KIDINS220: variants seen among roughly 807,000 people sequenced by gnomAD.
KIDINS220 encodes kinase D interacting substrate 220, also known as kinase D-interacting substrate of 220 kDa.
Under a neutral mutation model 157.6 loss-of-function variants are expected in KIDINS220, and 63 were observed. That is an observed-to-expected ratio of 0.40 (90% CI 0.33 to 0.49). KIDINS220 has a LOEUF of 0.49. Ranked by LOEUF, KIDINS220 falls within the 20% of genes least tolerant of loss-of-function variation. KIDINS220 has a pLI of 0.66. For missense variants in KIDINS220, 1,772 were observed against 2,171.2 expected (o/e 0.82, Z 3.65); for synonymous variants, 732 against 783.6 (o/e 0.93, Z 1.10).
intron 22 of KIDINS220, chr2:8,757,932 G>A (rs1245028400): frequency 1.4e-5 from 10 of 690,036 alleles, no homozygotes; most frequent in East Asian, 3.0e-5. Context: ...GTGCAATCTC[G>A]GCTCACTGCA....
At chr2:8,765,865 G>A (rs773983234) in intron 22 of KIDINS220, among the ~76,000 whole-genome samples, 5 of 152,012 alleles carry the variant, frequency 3.3e-5, no homozygotes, top group African/African-American at 7.3e-5. Context: ...CACCATGCCC[G>A]ACTCTATTAA....
At chr2:8,753,273 A>G (rs754431106) in intron 22 of KIDINS220, among the ~76,000 whole-genome samples, 1 of 152,250 alleles carries the variant, frequency 6.6e-6, no homozygotes, top group African/African-American at 2.4e-5. Flanking sequence ...GAATCTCTCA[A>G]TAAATTAATC....
chr2:8,733,081 A>G (rs555342843), intron 29 of KIDINS220, among the ~76,000 whole-genome samples: 17 of 152,318 alleles, frequency 1.1e-4, no homozygotes, highest in African/African-American at 3.1e-4. Context: ...CAGTGTTCCA[A>G]TGAAGATGTA....
At chr2:8,777,288 C>T (rs1008701195) in intron 20 of KIDINS220, among the ~76,000 whole-genome samples, 2 of 152,080 alleles carry the variant, frequency 1.3e-5, no homozygotes, top group African/African-American at 4.8e-5. Flanking sequence ...AAGGATTCAG[C>T]ATTTTGATTT....
chr2:8,776,119 T>G (rs1364288215), intron 21 of KIDINS220, among the ~76,000 whole-genome samples: 3 of 152,210 alleles, frequency 2.0e-5, no homozygotes, highest in Non-Finnish European at 2.9e-5. Context: ...ACAACCTCAC[T>G]TGGAATACAG....
chr2:8,757,734 A>G (rs1668201322), intron 22 of KIDINS220: 2 of 1,612,260 alleles, frequency 1.2e-6, no homozygotes, highest in South Asian at 2.2e-5. Flanking sequence ...GGCAACTAAC[A>G]CTGACTTGGA....
chr2:8,774,418 T>C (rs909511580), intron 21 of KIDINS220, among the ~76,000 whole-genome samples: 2 of 151,492 alleles, frequency 1.3e-5, no homozygotes, highest in Non-Finnish European at 2.9e-5. Context: ...AAGTAAATGA[T>C]GTAGTGAATT....
At chr2:8,786,183 A>AGAAG (rs752204151) in intron 16 of KIDINS220, 23 bp downstream of exon 16, 1 of 1,613,502 alleles carries the variant, frequency 6.2e-7, no homozygotes, top group African/African-American at 1.3e-5. Flanking sequence ...TTACACACAA[A>AGAAG]GAAGGAAGGA....
chr2:8,730,078 T>G lies in KIDINS220; in HGVS notation c.*642A>C. ...CCAGCCCTCCCCGCATCTACTCTCC[T>G]AACAGCTCAGGACAGCCCCGTCACA... On this transcript the variant is annotated 3_prime_UTR_variant, in exon 30 of 30. Coordinates refer to ENST00000256707, the MANE Select transcript of KIDINS220 (RefSeq NM_020738.4). The G allele has an allele frequency of 1.0e-5, 10 of 985,602 alleles. No individual in the cohort carries two copies. The highest frequency in any genetic ancestry group is 1.2e-5 in the Non-Finnish European group (10 of 830,058). 61.1% of individuals were successfully genotyped at this position (985,602 alleles called of 1,614,324 possible). A position where few individuals can be genotyped will look rare whatever the true frequency, so the allele number is the denominator to read the frequency against.
chr2:8,796,735 T>C (rs765983351), intron 11 of KIDINS220, 36 bp downstream of exon 11: 2 of 1,520,328 alleles, frequency 1.3e-6, no homozygotes, highest in South Asian at 2.2e-5. Flanking sequence ...GACCAACAGC[T>C]TTCCATACAG....
At chr2:8,831,401 A>AC (rs1679605451) in intron 1 of KIDINS220, among the ~76,000 whole-genome samples, 1 of 146,940 alleles carries the variant, frequency 6.8e-6, no homozygotes, top group South Asian at 2.2e-4. Context: ...ACTGCCCCAC[A>AC]CTTTGTTCTT....
chr2:8,753,967 A>T (rs913656167), intron 22 of KIDINS220, among the ~76,000 whole-genome samples: 8 of 152,222 alleles, frequency 5.3e-5, no homozygotes, highest in Admixed American at 4.6e-4. Flanking sequence ...CTTTTAATAC[A>T]TTAAAATCGT....
intron 22 of KIDINS220, among the ~76,000 whole-genome samples, chr2:8,763,954 G>C (rs1200270569): frequency 6.6e-6 from 1 of 152,196 alleles, no homozygotes; most frequent in African/African-American, 2.4e-5. Context: ...TATGTTTATA[G>C]CAGCACAATT....
intron 17 of KIDINS220, among the ~76,000 whole-genome samples, chr2:8,784,428 T>C (rs1039639716): frequency 2.0e-5 from 3 of 152,142 alleles, no homozygotes; most frequent in African/African-American, 7.2e-5. Flanking sequence ...CTAGACTTCA[T>C]CAAAAATGTC....
chr2:8,763,000 A>G (rs1048454720), intron 22 of KIDINS220, among the ~76,000 whole-genome samples: 1 of 152,254 alleles, frequency 6.6e-6, no homozygotes, highest in Non-Finnish European at 1.5e-5. Flanking sequence ...TTTTCAACAG[A>G]AAAGATAAAT....
Position 8,785,744 on chromosome 2 carries a change from C to T in KIDINS220, c.2226G>A (p.Met742Ile), listed in dbSNP as rs773630461. ...CTAATAACCAATGAGTGCTTACTTT[C>T]ATGAATCCTTCACTTTTCAATTTGT... ...KLHKLKSEGF[M>I]KVLKCEVELM... The change falls in exon 17 of 30, where the codon ATG becomes ATA. Residue 742 changes from methionine (M) to isoleucine (I), a missense_variant. Met to Ile is a conservative substitution (Grantham distance 10). This residue lies in a region of KIDINS220 where 725 missense variants were observed against 1,017.1 expected (regional missense o/e 0.71). Transcript: ENST00000256707. The T allele has an allele frequency of 6.2e-7, 1 of 1,605,200 alleles. No individual in the cohort carries two copies. Among genetic ancestry groups the T allele is most frequent in the Non-Finnish European group, 8.5e-7 (1 of 1,177,300 alleles).
chr2:8,770,413 T>A (rs1279528958), intron 22 of KIDINS220, among the ~76,000 whole-genome samples: 1 of 151,980 alleles, frequency 6.6e-6, no homozygotes, highest in South Asian at 2.1e-4. Flanking sequence ...TTCTAAAAAA[T>A]TTTTTAAAAT....
chr2:8,810,213 T>A (rs1281699906), intron 6 of KIDINS220, among the ~76,000 whole-genome samples: 1 of 152,138 alleles, frequency 6.6e-6, no homozygotes, highest in African/African-American at 2.4e-5. Context: ...ACCTCCACAC[T>A]CCTAAGTCAC....
intron 17 of KIDINS220, 125 bp from the exon 18 acceptor site, chr2:8,779,939 A>G: frequency 1.1e-6 from 1 of 945,256 alleles, no homozygotes; most frequent in South Asian, 1.7e-5. Flanking sequence ...CCTTGCTGCC[A>G]GTTGTGCTTC....
Sources: gnomAD v4.1 joint callset for allele counts (sites outside exome capture counted in the v4.1 genomes callset) on GRCh38, gnomAD v4.1.1 for gene constraint, gnomAD v4.1.1 regional missense constraint, MANE v1.5 for transcripts, NCBI Gene and HGNC (gene_info 2026-07-23, HGNC 2026-07-21) for gene names.